The following RAB27B variants were observed in gnomAD, a reference collection of about 807,000 sequenced individuals.
The protein encoded by RAB27B is ras-related protein Rab-27B.
Under a neutral mutation model 24.6 loss-of-function variants are expected in RAB27B, and 15 were observed. The observed-to-expected ratio is 0.61, with a 90% CI of 0.41 to 0.94. The LOEUF is 0.94. RAB27B is among the 40% of genes least tolerant of loss of function. RAB27B has a pLI of 0.00. For missense variants in RAB27B, 261 were observed against 266.8 expected (o/e 0.98, Z 0.15); for synonymous variants, 105 against 92.5 (o/e 1.14, Z -0.78).
intron 2 of RAB27B, among the ~76,000 whole-genome samples, chr18:54,770,823 C>T (rs1423945840): frequency 6.6e-6 from 1 of 151,876 alleles, no homozygotes; most frequent in Non-Finnish European, 1.5e-5. Context: ...TTCTGTTTTT[C>T]AACATTTTCT....
intron 2 of RAB27B, among the ~76,000 whole-genome samples, chr18:54,816,440 C>T (rs375664669): frequency 7.9e-5 from 12 of 152,186 alleles, no homozygotes; most frequent in South Asian, 2.1e-4. Context: ...CGTGCCAAGA[C>T]GACTGAGGGA....
intron 2 of RAB27B, among the ~76,000 whole-genome samples, chr18:54,806,564 A>G (rs749669478): frequency 6.1e-5 from 9 of 148,070 alleles, no homozygotes; most frequent in Non-Finnish European, 1.0e-4. Flanking sequence ...ACAATTATAT[A>G]TTATTTATAT....
chr18:54,809,502 G>A (rs570566750), intron 2 of RAB27B, among the ~76,000 whole-genome samples: 1 of 152,206 alleles, frequency 6.6e-6, no homozygotes, highest in Non-Finnish European at 1.5e-5. Flanking sequence ...GCACAGACTA[G>A]GTCACCTAAG....
intron 2 of RAB27B, among the ~76,000 whole-genome samples, chr18:54,734,980 G>C (rs530923995): frequency 9.2e-5 from 14 of 152,056 alleles, no homozygotes; most frequent in Non-Finnish European, 1.8e-4. Context: ...ATAAGAACTA[G>C]ATTTATGATT....
intron 1 of RAB27B, among the ~76,000 whole-genome samples, chr18:54,846,596 T>G (rs1310512266): frequency 6.6e-6 from 1 of 152,246 alleles, no homozygotes; most frequent in Non-Finnish European, 1.5e-5. Flanking sequence ...AGAGAACCTT[T>G]GATACCTACC....
chr18:54,871,295 A>G (rs1054934559), intron 1 of RAB27B, among the ~76,000 whole-genome samples: 1 of 152,186 alleles, frequency 6.6e-6, no homozygotes, highest in Non-Finnish European at 1.5e-5. Flanking sequence ...AGCCACCCAT[A>G]GTTTAATTCT....
At chr18:54,854,880 G>C (rs1911720282) in intron 1 of RAB27B, among the ~76,000 whole-genome samples, 1 of 152,148 alleles carries the variant, frequency 6.6e-6, no homozygotes. Context: ...TGACACCAGG[G>C]ACGGGTTTCA....
chr18:54,836,667 T>C (rs1335289441), intron 1 of RAB27B, among the ~76,000 whole-genome samples: 1 of 152,048 alleles, frequency 6.6e-6, no homozygotes, highest in Non-Finnish European at 1.5e-5. Context: ...AGAATATTTT[T>C]GACTTATTTT....
At chr18:54,868,454 A>T (rs561798067) in intron 1 of RAB27B, among the ~76,000 whole-genome samples, 1 of 152,262 alleles carries the variant, frequency 6.6e-6, no homozygotes, top group East Asian at 1.9e-4. Context: ...TTTTCTTTAT[A>T]AAGTACCCAG....
At chr18:54,838,986 G>C (rs1411804138) in intron 1 of RAB27B, among the ~76,000 whole-genome samples, 3 of 152,042 alleles carry the variant, frequency 2.0e-5, no homozygotes, top group Non-Finnish European at 2.9e-5. Flanking sequence ...TTTATAAAGA[G>C]TATATGGACT....
At position 54,853,435 on chromosome 18, in the gene RAB27B, G is replaced by GTA. The variant is rs367586113; in HGVS notation, c.-19-24118_-19-24117dup. 1.7e-3 allele frequency among the ~76,000 whole-genome samples: 261 copies of GTA among 151,928 alleles called. 1 individual carries two copies. The highest frequency in any genetic ancestry group is 5.8e-3 in the African/African-American group (242 of 41,384). Reference sequence around the variant, plus strand: ...ATGGCAAGTTGTGGACTTGCTTTATGTATATATATATATATCCATGAAACC... The same window carrying GTA: ...ATGGCAAGTTGTGGACTTGCTTTATGTATATATATATATATATCCATGAAACC... On this transcript the variant is annotated intron_variant, in intron 1 of 5. Coordinates refer to ENST00000262094, the MANE Select transcript of RAB27B (RefSeq NM_004163.4).
At chr18:54,838,199 T>C (rs1277889003) in intron 1 of RAB27B, among the ~76,000 whole-genome samples, 1 of 152,182 alleles carries the variant, frequency 6.6e-6, no homozygotes, top group Non-Finnish European at 1.5e-5. Flanking sequence ...AAAATGTATC[T>C]TGATGTTCTA....
chr18:54,784,983 C>T (rs1195357437), intron 2 of RAB27B, among the ~76,000 whole-genome samples: 1 of 152,216 alleles, frequency 6.6e-6, no homozygotes, highest in Admixed American at 6.5e-5. Context: ...CTCTGCCTCA[C>T]TAAATATGCC....
At chr18:54,728,557 C>A (rs1256374415) in intron 2 of RAB27B, among the ~76,000 whole-genome samples, 1 of 151,996 alleles carries the variant, frequency 6.6e-6, no homozygotes, top group Non-Finnish European at 1.5e-5. Context: ...AAAGGAAGTT[C>A]TTTGAGTGGA....
At chr18:54,793,535 T>A (rs1047453916) in intron 2 of RAB27B, among the ~76,000 whole-genome samples, 1 of 152,176 alleles carries the variant, frequency 6.6e-6, no homozygotes, top group African/African-American at 2.4e-5. Flanking sequence ...AGTTCTCAAT[T>A]AAGGGGCGTT....
chr18:54,881,132 C>T (rs1912907103), intron 3 of RAB27B, among the ~76,000 whole-genome samples: 1 of 152,092 alleles, frequency 6.6e-6, no homozygotes, highest in Non-Finnish European at 1.5e-5. Context: ...TTCTGTGATC[C>T]TAGTGTTCTG....
intron 2 of RAB27B, chr18:54,745,292 G>T: frequency 5.5e-6 from 1 of 182,450 alleles, no homozygotes; most frequent in South Asian, 1.2e-4. Context: ...GCATAAGCAT[G>T]GCATCATCTC....
chr18:54,734,193 T>A (rs1337923855), intron 2 of RAB27B, among the ~76,000 whole-genome samples: 2 of 152,158 alleles, frequency 1.3e-5, no homozygotes, highest in Admixed American at 1.3e-4. Flanking sequence ...GCCTTGGATC[T>A]GAGGTCAGCG....
chr18:54,801,214 C>T (rs1909599829), intron 2 of RAB27B, among the ~76,000 whole-genome samples: 1 of 151,656 alleles, frequency 6.6e-6, no homozygotes, highest in African/African-American at 2.4e-5. Context: ...GGTTTTTTAC[C>T]ATGTTGGCCA....
Sources: gnomAD v4.1 joint callset for allele counts (sites outside exome capture counted in the v4.1 genomes callset) on GRCh38, gnomAD v4.1.1 for gene constraint, MANE v1.5 for transcripts, NCBI Gene and HGNC (gene_info 2026-07-23, HGNC 2026-07-21) for gene names.